THSD7B: variants seen among roughly 807,000 people sequenced by gnomAD.
The protein encoded by THSD7B is thrombospondin type 1 domain containing 7B.
In THSD7B, 138 loss-of-function variants were observed where a neutral mutation model predicts 213.6. That is an observed-to-expected ratio of 0.65 (90% CI 0.56 to 0.74). The LOEUF (loss-of-function observed/expected upper bound fraction) is 0.74. Ranked by LOEUF, THSD7B falls within the 30% of genes least tolerant of loss-of-function variation. THSD7B has a pLI of 0.00. For missense variants in THSD7B, 1,931 were observed against 1,991.5 expected (o/e 0.97, Z 0.58); for synonymous variants, 742 against 687.0 (o/e 1.08, Z -1.25).
chr2:137,590,452 G>T (rs1189000104), intron 17 of THSD7B, among the ~76,000 whole-genome samples: 2 of 152,162 alleles, frequency 1.3e-5, no homozygotes, highest in African/African-American at 4.8e-5. Context: ...GTACAAGATT[G>T]TATCAGGCTT....
In THSD7B at chr2:137,058,441, AGT is replaced by A. The variant is rs567633444; in HGVS notation, c.950+1214_950+1215del. 2.4e-3 allele frequency among the ~76,000 whole-genome samples: 372 copies of A among 152,206 alleles called. 1 individual carries two copies. Among genetic ancestry groups the A allele is most frequent in the South Asian group, 0.012 (60 of 4,824 alleles). On this transcript the variant is annotated intron_variant, in intron 3 of 27. Transcript: ENST00000409968. ...TTTCATTTTGTTTGTGCATTTTTGC[AGT>A]GTTTTTCTTTTTTTAATAGACTTGA...
chr2:137,634,496 C>T (rs954754751), intron 20 of THSD7B, among the ~76,000 whole-genome samples: 3 of 152,106 alleles, frequency 2.0e-5, no homozygotes, highest in African/African-American at 7.2e-5. Context: ...CTTCGACAAT[C>T]TCTCTATTAT....
intron 14 of THSD7B, among the ~76,000 whole-genome samples, chr2:137,414,298 G>A (rs1180053483): frequency 6.6e-6 from 1 of 151,996 alleles, no homozygotes; most frequent in East Asian, 1.9e-4. Context: ...AAAAAAAATA[G>A]CGAGTGAAAA....
intron 2 of THSD7B, 48 bp downstream of exon 2, chr2:136,882,365 G>A (rs1452814127): frequency 2.8e-6 from 4 of 1,406,260 alleles, no homozygotes; most frequent in Admixed American, 3.1e-5. Context: ...TTAACAGGAA[G>A]AATATTCTTT....
At position 137,170,947 on chromosome 2, in the gene THSD7B, C is replaced by A. The variant is rs905158415; in HGVS notation, c.1723+9C>A. On this transcript the variant is annotated intron_variant, in intron 7 of 27. Coordinates refer to ENST00000409968, the MANE Select transcript of THSD7B (RefSeq NM_001316349.2). ...CTGCCAGAATGACCGCGGTATGACCCAGTGACCCACTAGAGGTGTTAGGAT... is the reference window on the plus strand; with the variant it reads ...CTGCCAGAATGACCGCGGTATGACCAAGTGACCCACTAGAGGTGTTAGGAT... The A allele has an allele frequency of 6.8e-6, 11 of 1,611,590 alleles. No individual in the cohort carries two copies. In the South Asian group the frequency reaches 1.2e-4, roughly 18 times the overall value.
chr2:136,804,941 G>T (rs1396456674), intron 1 of THSD7B, among the ~76,000 whole-genome samples: 1 of 152,130 alleles, frequency 6.6e-6, no homozygotes, highest in Admixed American at 6.6e-5. Flanking sequence ...CAGTGGAAAT[G>T]ATCTTGGAGT....
At chr2:136,942,160 T>C (rs1684838896) in intron 2 of THSD7B, among the ~76,000 whole-genome samples, 1 of 152,174 alleles carries the variant, frequency 6.6e-6, no homozygotes, top group Non-Finnish European at 1.5e-5. Flanking sequence ...TGGCTGTAGA[T>C]GTGTGGTGTT....
intron 10 of THSD7B, among the ~76,000 whole-genome samples, chr2:137,265,919 CAAT>C (rs2105087925): frequency 6.6e-6 from 1 of 152,108 alleles, no homozygotes; most frequent in Admixed American, 6.6e-5. Flanking sequence ...CATTCCTCTC[CAAT>C]AATATGAGAA....
chr2:137,436,457 G>C (rs1437763217), intron 14 of THSD7B, among the ~76,000 whole-genome samples: 1 of 152,166 alleles, frequency 6.6e-6, no homozygotes, highest in Non-Finnish European at 1.5e-5. Flanking sequence ...TGATTCCAGA[G>C]CTTGTTCCCT....
At chr2:137,276,063 C>T (rs369562740) in intron 12 of THSD7B, 37 bp downstream of exon 12, 49 of 1,465,756 alleles carry the variant, frequency 3.3e-5, no homozygotes, top group Admixed American at 1.5e-4. Flanking sequence ...TTTATTAATA[C>T]GTAAGTTAAC....
At position 137,677,619 on chromosome 2, in the gene THSD7B, T is replaced by TGAA. The variant is rs1405519863; in HGVS notation, c.*1017_*1019dup. 1 of 152,662 alleles carries TGAA rather than the reference T, an allele frequency of 6.6e-6. No individual in the cohort carries two copies. The highest frequency in any genetic ancestry group is 2.4e-5 in the African/African-American group (1 of 41,468). The allele number at this position is 152,662 out of a possible 1,614,324, so 9.5% of individuals were successfully genotyped here. A position where few individuals can be genotyped will look rare whatever the true frequency, so the allele number is the denominator to read the frequency against. On this transcript the variant is annotated 3_prime_UTR_variant, in exon 28 of 28. Transcript: ENST00000409968. ...ACATTAAAAAGCTGAGACCATTTTA[T>TGAA]GAAGATAATTGTTTGTAATCATAGG...
chr2:136,767,547 T>C (rs1389316979), intron 1 of THSD7B, among the ~76,000 whole-genome samples: 1 of 151,968 alleles, frequency 6.6e-6, no homozygotes, highest in East Asian at 1.9e-4. Context: ...GAAACTCTTT[T>C]TCATGCAAAT....
chr2:136,853,937 C>G (rs1193046041), intron 1 of THSD7B, among the ~76,000 whole-genome samples: 3 of 152,094 alleles, frequency 2.0e-5, no homozygotes, highest in African/African-American at 7.2e-5. Flanking sequence ...CCAGAGGTAC[C>G]TCTTCAAGCT....
intron 7 of THSD7B, among the ~76,000 whole-genome samples, chr2:137,184,695 C>G (rs1680518888): frequency 6.6e-6 from 1 of 152,130 alleles, no homozygotes. Context: ...CTATATCTAG[C>G]TGCTTCTAAC....
chr2:136,960,950 A>G (rs935976301), intron 2 of THSD7B, among the ~76,000 whole-genome samples: 11 of 151,440 alleles, frequency 7.3e-5, no homozygotes, highest in African/African-American at 1.7e-4. Flanking sequence ...TTAGCTGGGC[A>G]AGGTGGCGGG....
At chr2:137,432,575 C>A (rs1255354806) in intron 14 of THSD7B, among the ~76,000 whole-genome samples, 6 of 152,076 alleles carry the variant, frequency 3.9e-5, no homozygotes, top group African/African-American at 1.4e-4. Flanking sequence ...CTCATGTTTT[C>A]CTAGGATGTT....
intron 15 of THSD7B, among the ~76,000 whole-genome samples, chr2:137,518,386 G>A (rs1356868821): frequency 6.6e-6 from 1 of 152,182 alleles, no homozygotes; most frequent in South Asian, 2.1e-4. Flanking sequence ...GCCTGGTTGT[G>A]CACTTTGCAT....
intron 2 of THSD7B, among the ~76,000 whole-genome samples, chr2:136,994,768 T>C (rs1297181685): frequency 1.3e-5 from 2 of 152,174 alleles, no homozygotes; most frequent in African/African-American, 4.8e-5. Flanking sequence ...ATAATAAGCA[T>C]CAATACTAAC....
At chr2:137,250,539 A>G (rs1261503871) in intron 10 of THSD7B, among the ~76,000 whole-genome samples, 1 of 152,230 alleles carries the variant, frequency 6.6e-6, no homozygotes, top group Admixed American at 6.5e-5. Context: ...CAAAACTAAC[A>G]TTAATAAATA....
Sources: allele counts gnomAD v4.1 joint callset (sites outside exome capture counted in the v4.1 genomes callset), GRCh38; gene constraint gnomAD v4.1.1; transcripts MANE v1.5; gene names NCBI Gene and HGNC (gene_info 2026-07-23, HGNC 2026-07-21).